The following ERI1 variants were observed in gnomAD, a reference collection of about 807,000 sequenced individuals.
The protein encoded by ERI1 is exoribonuclease 1.
In ERI1, 39 loss-of-function variants were observed where a neutral mutation model predicts 39.7. That is an observed-to-expected ratio of 0.98 (90% confidence interval 0.76 to 1.28). The LOEUF (loss-of-function observed/expected upper bound fraction) is 1.28, where lower values mean the gene tolerates loss of function less well. Among genes scored for constraint, ERI1 ranks in the 50% most tolerant of loss-of-function variants. The pLI is 0.00. For missense variants in ERI1, 581 were observed against 416.9 expected (o/e 1.39, Z -3.43); for synonymous variants, 204 against 149.6 (o/e 1.36, Z -2.65).
intron 1 of ERI1, chr8:9,004,346 T>G: frequency 9.8e-7 from 1 of 1,018,418 alleles, no homozygotes; most frequent in Non-Finnish European, 1.2e-6. Flanking sequence ...GTAAAAGAAG[T>G]GTGTTTGAAT....
intron 1 of ERI1, chr8:9,004,322 G>T: frequency 9.1e-7 from 1 of 1,095,498 alleles, no homozygotes; most frequent in East Asian, 7.7e-5. Flanking sequence ...AATAAATTTC[G>T]AAGTTTATTT....
At chr8:9,089,092 C>A (rs1390705706) in intron 3 of ERI1, among the ~76,000 whole-genome samples, 1 of 152,188 alleles carries the variant, frequency 6.6e-6, no homozygotes, top group Non-Finnish European at 1.5e-5. Flanking sequence ...CACTAAGGCT[C>A]GGTTTCCTCA....
At chr8:9,045,622 C>T (rs2117357858) in intron 3 of ERI1, among the ~76,000 whole-genome samples, 1 of 152,002 alleles carries the variant, frequency 6.6e-6, no homozygotes, top group South Asian at 2.1e-4. Context: ...CATAGCAAGA[C>T]CCCTATTTGT....
In ERI1 at chr8:9,012,780, A is replaced by G. The variant is rs114062534; in HGVS notation, c.498+1028A>G. ...GTTATATTTTTCACACTGTGTAAAA[A>G]CTTCATCCCACTTCACTGCCAGCTA... On this transcript the variant is annotated intron_variant, in intron 3 of 6. Coordinates refer to ENST00000250263, the MANE Select transcript of ERI1 (RefSeq NM_153332.4). Among the ~76,000 whole-genome samples the G allele has an allele frequency of 8.8e-3, 1,344 of 152,256 alleles. 20 individuals carry two copies. Among genetic ancestry groups the G allele is most frequent in the African/African-American group, 0.031 (1,290 of 41,550 alleles).
chr8:9,015,707 G>T (rs540226931), intron 3 of ERI1, among the ~76,000 whole-genome samples: 21 of 112,706 alleles, frequency 1.9e-4, no homozygotes, highest in Non-Finnish European at 2.2e-4. Context: ...GGGAGACAGA[G>T]CGAGACTCTG....
chr8:9,044,023 G>C (rs1207095151), intron 3 of ERI1, among the ~76,000 whole-genome samples: 1 of 152,158 alleles, frequency 6.6e-6, no homozygotes, highest in Non-Finnish European at 1.5e-5. Context: ...TTGGTTCTGA[G>C]ACTTACTGGT....
At chr8:9,038,935 A>G (rs1432359045) in intron 3 of ERI1, among the ~76,000 whole-genome samples, 2 of 152,218 alleles carry the variant, frequency 1.3e-5, no homozygotes, top group Admixed American at 6.5e-5. Flanking sequence ...TCAGTTCTTT[A>G]ATTTCCGTGA....
chr8:9,019,410 A>G (rs1329704906), intron 5 of ERI1, among the ~76,000 whole-genome samples: 1 of 152,238 alleles, frequency 6.6e-6, no homozygotes, highest in Non-Finnish European at 1.5e-5. Flanking sequence ...TTAGAAATCC[A>G]TTACTGATTT....
chr8:9,029,333 A>G (rs528652773), intron 6 of ERI1, among the ~76,000 whole-genome samples: 1 of 151,958 alleles, frequency 6.6e-6, no homozygotes, highest in South Asian at 2.1e-4. Context: ...AGCTCTGAAA[A>G]TTTCAGGGTT....
chr8:9,051,561 G>A (rs1798355731), intron 3 of ERI1, among the ~76,000 whole-genome samples: 2 of 152,016 alleles, frequency 1.3e-5, no homozygotes, highest in Middle Eastern at 3.4e-3. Flanking sequence ...GGAGGCTAAG[G>A]TGGAAGGATC....
chr8:9,054,156 C>T (rs1563360217), intron 3 of ERI1, among the ~76,000 whole-genome samples: 2 of 152,160 alleles, frequency 1.3e-5, no homozygotes, highest in Non-Finnish European at 2.9e-5. Flanking sequence ...GGATTGCATA[C>T]ATTAAAGGTG....
intron 3 of ERI1, among the ~76,000 whole-genome samples, chr8:9,081,916 C>G (rs1430212048): frequency 4.6e-5 from 7 of 152,124 alleles, no homozygotes; most frequent in Non-Finnish European, 8.8e-5. Flanking sequence ...CACTGGAAGA[C>G]CAAATAAACC....
At chr8:9,003,785 C>T (rs1290429526) in intron 1 of ERI1, among the ~76,000 whole-genome samples, 1 of 152,216 alleles carries the variant, frequency 6.6e-6, no homozygotes, top group Non-Finnish European at 1.5e-5. Flanking sequence ...TAATTGTTGA[C>T]TAGCGCTGCG....
At chr8:9,034,324 C>G (rs1278359483), downstream of ERI1, among the ~76,000 whole-genome samples, 1 of 152,246 alleles carries the variant, frequency 6.6e-6, no homozygotes, top group African/African-American at 2.4e-5. Context: ...TATTGCACTT[C>G]TCTTTATGTG....
chr8:9,025,803 G>GT (rs776086849), intron 6 of ERI1, among the ~76,000 whole-genome samples: 65 of 151,356 alleles, frequency 4.3e-4, no homozygotes, highest in Non-Finnish European at 7.8e-4. Flanking sequence ...TGAGATTTGG[G>GT]GTTTTTTTCA....
intron 3 of ERI1, among the ~76,000 whole-genome samples, chr8:9,089,711 A>T (rs1799645899): frequency 6.6e-6 from 1 of 152,166 alleles, no homozygotes; most frequent in Non-Finnish European, 1.5e-5. Flanking sequence ...TAGCTGTACA[A>T]AATGACGAGG....
chr8:9,012,443 T>C (rs1396931464), intron 3 of ERI1, among the ~76,000 whole-genome samples: 2 of 152,230 alleles, frequency 1.3e-5, no homozygotes, highest in East Asian at 3.8e-4. Flanking sequence ...TTCTGTGATA[T>C]CCTCAGTTGC....
At chr8:9,046,429 C>T (rs1339612261) in intron 3 of ERI1, among the ~76,000 whole-genome samples, 1 of 152,176 alleles carries the variant, frequency 6.6e-6, no homozygotes, top group Non-Finnish European at 1.5e-5. Context: ...CCACACTGCA[C>T]ACGGCCACAC....
chr8:9,049,078 C>T (rs1366424719), intron 3 of ERI1, among the ~76,000 whole-genome samples: 1 of 151,946 alleles, frequency 6.6e-6, no homozygotes, highest in East Asian at 1.9e-4. Context: ...GTGGCTTACA[C>T]CTGTAATTCC....
Sources: gnomAD v4.1 joint callset for allele counts (sites outside exome capture counted in the v4.1 genomes callset) on GRCh38, gnomAD v4.1.1 for gene constraint, MANE v1.5 for transcripts, NCBI Gene and HGNC (gene_info 2026-07-23, HGNC 2026-07-21) for gene names.